The following B3GALT1 variants were observed in gnomAD, a reference collection of about 807,000 sequenced individuals.
B3GALT1 encodes UDP-Gal:betaGlcNAc beta 1,3-galactosyltransferase, polypeptide 1.
In B3GALT1, 10 loss-of-function variants were observed where a neutral mutation model predicts 23.2. The ratio of observed to expected loss-of-function variants is 0.43; its 90% CI spans 0.27 to 0.73. The LOEUF is 0.73. B3GALT1 is among the 30% of genes least tolerant of loss of function. The probability of loss-of-function intolerance (pLI) is 0.21; values close to 1 mark genes in which losing one functional copy is unlikely to be tolerated. For missense variants in B3GALT1, 299 were observed against 405.4 expected, an observed-to-expected ratio of 0.74 and a Z score of 2.25; for synonymous variants, 156 against 141.5, an observed-to-expected ratio of 1.10 and a Z score of -0.73.
At chr2:167,537,632 C>G (rs1044293815) in intron 2 of B3GALT1, among the ~76,000 whole-genome samples, 1 of 151,982 alleles carries the variant, frequency 6.6e-6, no homozygotes, top group African/African-American at 2.4e-5. Flanking sequence ...CAAGCCCCTT[C>G]CCTGATACCA....
intron 2 of B3GALT1, among the ~76,000 whole-genome samples, chr2:167,538,710 A>C (rs1199208219): frequency 6.6e-6 from 1 of 152,234 alleles, no homozygotes; most frequent in Non-Finnish European, 1.5e-5. Context: ...ACTATGGTTT[A>C]TCTTGGTATA....
At chr2:167,805,935 C>T (rs369330770) in intron 3 of B3GALT1, among the ~76,000 whole-genome samples, 6 of 152,186 alleles carry the variant, frequency 3.9e-5, no homozygotes, top group East Asian at 1.9e-4. Context: ...GCCATTTTCA[C>T]GATATTGATT....
intron 1 of B3GALT1, among the ~76,000 whole-genome samples, chr2:167,417,110 T>G (rs1165061567): frequency 6.6e-6 from 1 of 152,134 alleles, no homozygotes; most frequent in Non-Finnish European, 1.5e-5. Flanking sequence ...AGGGGTGGGA[T>G]GCTATGGTTT....
chr2:167,351,174 C>T (rs1005198365), intron 1 of B3GALT1, among the ~76,000 whole-genome samples: 11 of 148,986 alleles, frequency 7.4e-5, no homozygotes, highest in South Asian at 4.5e-4. Flanking sequence ...GAGGCTGAGG[C>T]GGGAGAATCG....
intron 1 of B3GALT1, among the ~76,000 whole-genome samples, chr2:167,466,719 CTT>C (rs1435049852): frequency 9.9e-6 from 1 of 100,888 alleles, no homozygotes; most frequent in Non-Finnish European, 2.1e-5. Flanking sequence ...TATTATCACT[CTT>C]TTGTTTTTGG....
intron 1 of B3GALT1, among the ~76,000 whole-genome samples, chr2:167,374,932 G>A (rs1314253817): frequency 2.6e-5 from 4 of 151,730 alleles, no homozygotes; most frequent in Non-Finnish European, 5.9e-5. Flanking sequence ...CCAATGTCTA[G>A]AATAGTGTTT....
chr2:167,512,568 G>GTATATATATATGTATATATATATGTGTA lies in B3GALT1; in HGVS notation c.-410+22315_-410+22342dup, dbSNP rs1162024315. Among the ~76,000 whole-genome samples the GTATATATATATGTATATATATATGTGTA allele has an allele frequency of 5.8e-3, 226 of 38,730 alleles. 6 individuals are homozygous for GTATATATATATGTATATATATATGTGTA. The highest frequency in any genetic ancestry group is 8.0e-3 in the Non-Finnish European group (181 of 22,580). The allele number at this position is 38,730 out of a possible 152,430, so 25.4% of individuals were successfully genotyped here. ...TATGTATATATATGTATATATATAT[G>GTATATATATATGTATATATATATGTGTA]TATATATATATGTATATATATATGT... is the stretch of plus-strand genomic sequence containing the variant. On this transcript the variant is annotated intron_variant, in intron 2 of 4. Transcript: ENST00000392690.
intron 2 of B3GALT1, among the ~76,000 whole-genome samples, chr2:167,535,715 A>T (rs1391690827): frequency 6.6e-6 from 1 of 152,160 alleles, no homozygotes; most frequent in Non-Finnish European, 1.5e-5. Context: ...ATAAGATTGG[A>T]AAAGTTTTCT....
intron 2 of B3GALT1, among the ~76,000 whole-genome samples, chr2:167,569,269 G>A (rs952184641): frequency 6.6e-6 from 1 of 151,762 alleles, no homozygotes; most frequent in Non-Finnish European, 1.5e-5. Context: ...AGTTGCTAGG[G>A]TTTTGATTGA....
chr2:167,594,306 T>G (rs1467959348), intron 2 of B3GALT1, among the ~76,000 whole-genome samples: 2 of 152,200 alleles, frequency 1.3e-5, no homozygotes, highest in Non-Finnish European at 2.9e-5. Context: ...GGTCGTTTGC[T>G]TTCACTGAAT....
chr2:167,347,530 G>T (rs928103105), intron 1 of B3GALT1, among the ~76,000 whole-genome samples: 22 of 152,116 alleles, frequency 1.4e-4, no homozygotes, highest in Admixed American at 1.4e-3. Context: ...GCATCAGCAG[G>T]TTTCATTTGT....
intron 1 of B3GALT1, among the ~76,000 whole-genome samples, chr2:167,306,120 A>G (rs1357599): frequency 0.81 from 123,578 of 151,948 alleles, 51,286 homozygotes; most frequent in Non-Finnish European, 0.91. Context: ...CAAAATATGG[A>G]AAAGGTCATA....
At chr2:167,491,071 C>T (rs1699701030) in intron 2 of B3GALT1, among the ~76,000 whole-genome samples, 1 of 152,038 alleles carries the variant, frequency 6.6e-6, no homozygotes, top group East Asian at 1.9e-4. Context: ...AAAATTTTGC[C>T]CCCAGGGTAA....
At chr2:167,499,006 AT>A (rs1258913219) in intron 2 of B3GALT1, among the ~76,000 whole-genome samples, 1 of 152,058 alleles carries the variant, frequency 6.6e-6, no homozygotes, top group Non-Finnish European at 1.5e-5. Flanking sequence ...GACCTGGGGA[AT>A]TTTGTTGGTC....
At position 167,755,385 on chromosome 2, in the gene B3GALT1, C is replaced by G. The variant is rs77455180; in HGVS notation, c.-351-63287C>G. Among the ~76,000 whole-genome samples the G allele has an allele frequency of 5.8e-3, 875 of 151,556 alleles. 6 individuals carry two copies. Among genetic ancestry groups the G allele is most frequent in the African/African-American group, 0.02 (829 of 41,342 alleles). ...GGTTGATGTTGCATTGTTCACCCTC[C>G]TAGTGTTGCGTCCCAGGGCCTCCTA... On this transcript the variant is annotated intron_variant, in intron 3 of 4. Coordinates refer to ENST00000392690, the MANE Select transcript of B3GALT1 (RefSeq NM_020981.4).
chr2:167,461,838 T>A (rs1470511266), intron 1 of B3GALT1, among the ~76,000 whole-genome samples: 3 of 152,212 alleles, frequency 2.0e-5, no homozygotes, highest in Non-Finnish European at 2.9e-5. Context: ...GAGAATATAA[T>A]AGAAAATAGA....
At chr2:167,693,279 A>C (rs920628676) in intron 3 of B3GALT1, among the ~76,000 whole-genome samples, 1 of 152,142 alleles carries the variant, frequency 6.6e-6, no homozygotes, top group Admixed American at 6.6e-5. Flanking sequence ...GAAACAAAAA[A>C]AGAGATGTCA....
chr2:167,660,777 G>A lies in B3GALT1; in HGVS notation c.-352+13811G>A, dbSNP rs534102025. 1.0e-3 allele frequency among the ~76,000 whole-genome samples: 158 copies of A among 152,052 alleles called. 1 individual carries two copies. The highest frequency in any genetic ancestry group is 1.8e-3 in the Non-Finnish European group (124 of 67,990). Reference sequence around the variant, plus strand: ...TGACATTTTCTTTAGCTTATCAAACGATTTTCACATAACTATAGGTTGACA... The same window carrying A: ...TGACATTTTCTTTAGCTTATCAAACAATTTTCACATAACTATAGGTTGACA... On this transcript the variant is annotated intron_variant, in intron 3 of 4. Transcript: ENST00000392690.
intron 2 of B3GALT1, among the ~76,000 whole-genome samples, chr2:167,613,482 A>G (rs989527018): frequency 6.6e-6 from 1 of 151,490 alleles, no homozygotes; most frequent in Admixed American, 6.6e-5. Context: ...AAGAGGAAAC[A>G]AAACATATGA....
Sources: gnomAD v4.1 joint callset for allele counts (sites outside exome capture counted in the v4.1 genomes callset) on GRCh38, gnomAD v4.1.1 for gene constraint, MANE v1.5 for transcripts, NCBI Gene and HGNC (gene_info 2026-07-23, HGNC 2026-07-21) for gene names.